Variants in OAS2 observed in about 807,000 individuals in gnomAD.
OAS2 encodes the protein 2'-5'-oligoadenylate synthetase 2, also known as 2'-5'-oligoadenylate synthase 2.
A neutral mutation model predicts 71.3 loss-of-function variants in OAS2; 67 were observed. The observed-to-expected ratio is 0.94, with a 90% CI of 0.77 to 1.15. OAS2 has a LOEUF of 1.15. OAS2 is among the 50% of genes most tolerant of loss of function. OAS2 has a pLI of 0.00. For missense variants in OAS2, 789 were observed against 822.5 expected (o/e 0.96, Z 0.50); for synonymous variants, 327 against 321.8 (o/e 1.02, Z -0.17).
chr12:112,998,124 C>G, intron 4 of OAS2, 142 bp from the exon 5 acceptor site: 2 of 866,284 alleles, frequency 2.3e-6, no homozygotes, highest in Non-Finnish European at 3.6e-6. Flanking sequence ...ATGTCGTAGA[C>G]AAAATCCCTC....
In OAS2 at chr12:113,010,429, T is replaced by C. The variant is rs199779283; in HGVS notation, c.*1174T>C. Reference sequence around the variant, plus strand: ...AGGATCCATCCTATTGTCAATGAGATGTTCTCATCCAGAAGCCATAGAATC... The same window carrying C: ...AGGATCCATCCTATTGTCAATGAGACGTTCTCATCCAGAAGCCATAGAATC... On this transcript the variant is annotated 3_prime_UTR_variant, in exon 10 of 10. Coordinates refer to ENST00000392583, the MANE Select transcript of OAS2 (RefSeq NM_002535.3). 69 of 1,613,908 alleles carry C rather than the reference T, an allele frequency of 4.3e-5. No individual in the cohort carries two copies. Among genetic ancestry groups the C allele is most frequent in the Non-Finnish European group, 5.3e-5 (62 of 1,179,950 alleles).
At chr12:113,005,281 C>A (rs2044321856) in intron 7 of OAS2, 59 bp downstream of exon 7, 2 of 1,530,472 alleles carry the variant, frequency 1.3e-6, no homozygotes, top group African/African-American at 1.4e-5. Flanking sequence ...GAGGGAGAGC[C>A]ACGTGACTTG....
chr12:112,987,961 TTC>T, intron 2 of OAS2: 1 of 985,422 alleles, frequency 1.0e-6, no homozygotes, highest in Non-Finnish European at 1.2e-6. Flanking sequence ...CTTACCAGGC[TTC>T]TGGTTTAATA....
intron 5 of OAS2, among the ~76,000 whole-genome samples, chr12:113,001,298 C>A (rs2044284572): frequency 6.6e-6 from 1 of 151,754 alleles, no homozygotes; most frequent in African/African-American, 2.4e-5. Context: ...CTGCATTCAG[C>A]CTGGGTGACA....
In OAS2 at chr12:112,990,720, T is replaced by C. The variant is rs151236452; in HGVS notation, c.448+3412T>C. ...GATTTCCTTTAGGGCCTGTTATCTG[T>C]CAGGTGATGCCAGAGTTAGGCTGGA... On this transcript the variant is annotated intron_variant, in intron 2 of 9. Transcript: ENST00000392583. Among the ~76,000 whole-genome samples, 149 of 152,314 alleles carry C rather than the reference T, an allele frequency of 9.8e-4. 2 individuals carry two copies. Among genetic ancestry groups the C allele is most frequent in the African/African-American group, 3.2e-3 (134 of 41,564 alleles).
chr12:112,978,632 G>A lies in OAS2; in HGVS notation c.24G>A (p.Leu8=). ...CAATGGGAAATGGGGAGTCCCAGCT[G>A]TCCTCGGTGCCTGCTCAGAAGCTGG... MGNGESQ[L]SSVPAQKLGW... Residue 8 remains leucine (L), a synonymous_variant, in exon 1 of 10, where the codon CTG becomes CTA. Coordinates refer to ENST00000392583, the MANE Select transcript of OAS2 (RefSeq NM_002535.3). The surrounding 1 kb of genome is among the most constrained non-coding windows in gnomAD (Gnocchi z 4.2). 2 of 1,614,110 alleles carry A rather than the reference G, an allele frequency of 1.2e-6. No homozygotes were observed. Among genetic ancestry groups the A allele is most frequent in the Non-Finnish European group, 1.7e-6 (2 of 1,179,984 alleles).
intron 6 of OAS2, among the ~76,000 whole-genome samples, chr12:113,003,551 C>T (rs540140254): frequency 2.6e-5 from 4 of 152,248 alleles, no homozygotes; most frequent in African/African-American, 9.6e-5. Flanking sequence ...ATCCACAGGC[C>T]CCCAGAGCAT....
chr12:113,002,653 G>A (rs142604746), intron 5 of OAS2, among the ~76,000 whole-genome samples: 2 of 152,300 alleles, frequency 1.3e-5, no homozygotes, highest in East Asian at 3.9e-4. Flanking sequence ...TTAGGAACAC[G>A]ACAGATCTGT....
chr12:112,982,739 A>T (rs866160042), intron 1 of OAS2, among the ~76,000 whole-genome samples: 19 of 152,244 alleles, frequency 1.2e-4, no homozygotes, highest in African/African-American at 4.6e-4. Flanking sequence ...GAATAGTTTG[A>T]GAAGAATTGG....
At position 113,010,613 on chromosome 12, in the gene OAS2, T is replaced by G; in HGVS notation, c.*1358T>G. On this transcript the variant is annotated 3_prime_UTR_variant, in exon 10 of 10. Transcript: ENST00000392583. Reference sequence around the variant, plus strand: ...TGGACTTCTTGAAATCAATCAAGACTGCAAACCCTTTCATAAAGTCTTGCC... The same window carrying G: ...TGGACTTCTTGAAATCAATCAAGACGGCAAACCCTTTCATAAAGTCTTGCC... 6 of 1,368,180 alleles carry G rather than the reference T, an allele frequency of 4.4e-6. No individual in the cohort carries two copies. The highest frequency in any genetic ancestry group is 5.8e-6 in the Non-Finnish European group (6 of 1,039,594). 84.8% of individuals were successfully genotyped at this position (1,368,180 alleles called of 1,614,324 possible).
Position 113,009,983 on chromosome 12 carries a change from T to G in OAS2, c.*728T>G. 1 of 982,700 alleles carries G rather than the reference T, an allele frequency of 1.0e-6. No homozygotes were observed. Among genetic ancestry groups the G allele is most frequent in the Non-Finnish European group, 1.2e-6 (1 of 826,726 alleles). The allele number at this position is 982,700 out of a possible 1,614,324, so 60.9% of individuals were successfully genotyped here. ...CTCAACTTTGATACTTACTCACATT[T>G]GGGGCTAGACAGTTCTTTGTTTGGA... On this transcript the variant is annotated 3_prime_UTR_variant, in exon 10 of 10. Transcript: ENST00000392583.
At chr12:112,998,123 A>G (rs942765725) in intron 4 of OAS2, 143 bp from the exon 5 acceptor site, 4 of 856,306 alleles carry the variant, frequency 4.7e-6, no homozygotes, top group Non-Finnish European at 7.2e-6. Context: ...GATGTCGTAG[A>G]CAAAATCCCT....
chr12:112,997,128 C>A (rs1057091884), intron 3 of OAS2, among the ~76,000 whole-genome samples: 2 of 152,082 alleles, frequency 1.3e-5, no homozygotes, highest in Admixed American at 1.3e-4. Flanking sequence ...GTGACTATTA[C>A]CTTCTTTTTT....
At chr12:113,001,952 T>C (rs1397984234) in intron 5 of OAS2, among the ~76,000 whole-genome samples, 1 of 151,034 alleles carries the variant, frequency 6.6e-6, no homozygotes, top group African/African-American at 2.4e-5. Flanking sequence ...GGAGGATCCC[T>C]TGAGCCCAGG....
chr12:112,995,079 T>C (rs35992364), intron 2 of OAS2, among the ~76,000 whole-genome samples: 19,241 of 152,214 alleles, frequency 0.13, 1,254 homozygotes, highest in Middle Eastern at 0.15. Context: ...GTTAACACCA[T>C]ACTGTTTTCA....
At chr12:112,988,634 T>C in intron 2 of OAS2, 5 of 985,432 alleles carry the variant, frequency 5.1e-6, no homozygotes, top group Non-Finnish European at 4.8e-6. Context: ...ACAGCACCAA[T>C]ACCCCCTACC....
At position 113,009,940 on chromosome 12, in the gene OAS2, T is replaced by C; in HGVS notation, c.*685T>C. The stretch of plus-strand genomic sequence containing the variant: ...TACTTGGTTCTCTCCACCAGGTTCT[T>C]TCTTTAAAGCAGGATTTCTCAACTT... On this transcript the variant is annotated 3_prime_UTR_variant, in exon 10 of 10. Transcript: ENST00000392583. 1.0e-6 allele frequency: 1 copy of C among 987,850 alleles called. No homozygotes were observed. Among genetic ancestry groups the C allele is most frequent in the Non-Finnish European group, 1.2e-6 (1 of 831,724 alleles). 61.2% of individuals were successfully genotyped at this position (987,850 alleles called of 1,614,324 possible).
intron 1 of OAS2, 110 bp from the exon 2 acceptor site, chr12:112,986,928 T>C: frequency 7.1e-7 from 1 of 1,413,750 alleles, no homozygotes; most frequent in Non-Finnish European, 9.6e-7. Context: ...TGCCACTCAA[T>C]GTTAAGACCA....
rs372314227 is a variant in OAS2 at position 112,997,684 on chromosome 12, T to C, written c.792T>C (p.Tyr264=). ...AATGCCAGGAGAAGCTGTGTATCTA[T>C]TGGATGGTCAACTACAACTTTGAAG... ...LIKCQEKLCI[Y]WMVNYNFEDE... is the part of the protein sequence containing the mutation. The change falls in exon 4 of 10, where the codon TAT becomes TAC. Residue 264 remains tyrosine (Y), a synonymous_variant. Transcript: ENST00000392583. 4 of 1,613,800 alleles carry C rather than the reference T, an allele frequency of 2.5e-6. No homozygotes were observed. Among genetic ancestry groups the C allele is most frequent in the Non-Finnish European group, 3.4e-6 (4 of 1,179,912 alleles).
Sources: gnomAD v4.1 joint callset for allele counts (sites outside exome capture counted in the v4.1 genomes callset) on GRCh38, gnomAD v4.1.1 for gene constraint, Gnocchi (gnomAD v3.1) non-coding constraint, MANE v1.5 for transcripts, NCBI Gene and HGNC (gene_info 2026-07-23, HGNC 2026-07-21) for gene names.